Variants in NTNG2 observed in about 807,000 individuals in gnomAD.
NTNG2 encodes the protein netrin G2.
A neutral mutation model predicts 47.6 loss-of-function variants in NTNG2; 15 were observed. The ratio of observed to expected loss-of-function variants is 0.32; its 90% CI spans 0.21 to 0.49. The LOEUF is 0.49. NTNG2 is among the 20% of genes least tolerant of loss of function. The probability of loss-of-function intolerance (pLI) is 0.99; values close to 1 mark genes in which losing one functional copy is unlikely to be tolerated. For synonymous variants in NTNG2, 307 were observed against 324.6 expected, an observed-to-expected ratio of 0.95 and a Z score of 0.58; for missense variants, 578 against 764.6, an observed-to-expected ratio of 0.76 and a Z score of 2.88.
intron 2 of NTNG2, among the ~76,000 whole-genome samples, chr9:132,176,301 C>A (rs550978023): frequency 6.6e-6 from 1 of 152,196 alleles, no homozygotes; most frequent in African/African-American, 2.4e-5. Flanking sequence ...AGTCCCAACA[C>A]GTTTCCATCG....
chr9:132,235,764 G>A (rs1841578546), intron 5 of NTNG2, among the ~76,000 whole-genome samples: 1 of 152,220 alleles, frequency 6.6e-6, no homozygotes, highest in Admixed American at 6.5e-5. Flanking sequence ...CCCCGGGGAA[G>A]CGCCCTCTTA....
intron 2 of NTNG2, among the ~76,000 whole-genome samples, chr9:132,167,741 C>T (rs1333724117): frequency 6.6e-6 from 1 of 152,154 alleles, no homozygotes; most frequent in Non-Finnish European, 1.5e-5. Flanking sequence ...CCTAGGGGCA[C>T]GGAGTACTTC....
At chr9:132,195,307 CGTTTTTGTTTTT>C (rs764331308) in intron 2 of NTNG2, among the ~76,000 whole-genome samples, 1 of 149,090 alleles carries the variant, frequency 6.7e-6, no homozygotes, top group African/African-American at 2.5e-5. Context: ...TTTTTGTTTT[CGTTTTTGTTTTT>C]GTTTTTTGAG....
intron 2 of NTNG2, among the ~76,000 whole-genome samples, chr9:132,169,423 G>C (rs1835732460): frequency 6.6e-6 from 1 of 152,248 alleles, no homozygotes; most frequent in Non-Finnish European, 1.5e-5. Context: ...AGATAGATCT[G>C]GGTTCAAACC....
intron 2 of NTNG2, among the ~76,000 whole-genome samples, chr9:132,191,747 A>G (rs758943421): frequency 4.0e-5 from 6 of 151,732 alleles, no homozygotes; most frequent in Non-Finnish European, 7.4e-5. Context: ...AATTTTTTGT[A>G]TTTTTTAGTA....
At position 132,240,988 on chromosome 9, in the gene NTNG2, C is replaced by G. The variant is rs778588337; in HGVS notation, c.1301C>G (p.Ala434Gly). Residue 434 changes from alanine (A) to glycine (G), a missense_variant, in exon 7 of 8, where the codon GCG (alanine) becomes GGG (glycine). By Grantham distance (60) the Ala-to-Gly change is moderately conservative (BLOSUM62 0). Transcript: ENST00000393229. ...TGFCECREGA[A>G]GPKCDDCLPT... is the part of the protein sequence containing the mutation. ...TTCTGCGAGTGCCGCGAGGGCGCGGCGGGCCCCAAGTGCGACGACTGCCTC... is the reference window on the plus strand; with the variant it reads ...TTCTGCGAGTGCCGCGAGGGCGCGGGGGGCCCCAAGTGCGACGACTGCCTC... 1.2e-5 allele frequency: 20 copies of G among 1,610,640 alleles called. No homozygotes were observed. The Admixed American group carries it at 3.3e-4, about 27-fold the overall frequency.
At chr9:132,205,406 G>A (rs555639665) in intron 3 of NTNG2, among the ~76,000 whole-genome samples, 89 of 152,280 alleles carry the variant, frequency 5.8e-4, no homozygotes, top group Admixed American at 1.8e-3. Context: ...CCCCAGAGTC[G>A]TCAAATTCAT....
At chr9:132,164,796 G>A (rs1333311064) in intron 1 of NTNG2, among the ~76,000 whole-genome samples, 1 of 152,200 alleles carries the variant, frequency 6.6e-6, no homozygotes, top group East Asian at 1.9e-4. Flanking sequence ...CCAGAGAGAG[G>A]GGCAGGGGTC....
chr9:132,226,940 G>T lies in NTNG2; in HGVS notation c.949G>T (p.Gly317Cys). 1.2e-6 allele frequency: 2 copies of T among 1,612,820 alleles called. No homozygotes were observed. The highest frequency in any genetic ancestry group is 1.7e-6 in the Non-Finnish European group (2 of 1,179,814). Residue 317 changes from glycine (G) to cysteine (C), a missense_variant, in exon 4 of 8, where the codon GGC (glycine) becomes TGC (cysteine). Gly to Cys is a radical substitution (Grantham distance 159, BLOSUM62 -3). Transcript: ENST00000393229. The surrounding 1 kb of genome is among the most constrained non-coding windows in gnomAD (Gnocchi z 4.8). ...CEHNTTGPDCGKCKKNFRTRS... is the reference protein window; with the variant it reads ...CEHNTTGPDCCKCKKNFRTRS... ...GCACAACACCACCGGCCCCGACTGC[G>T]GCAAGTGCAAGAAGAATTTCCGCAC...
intron 3 of NTNG2, among the ~76,000 whole-genome samples, chr9:132,211,245 C>T (rs1193573734): frequency 1.3e-5 from 2 of 152,192 alleles, no homozygotes; most frequent in Non-Finnish European, 2.9e-5. Flanking sequence ...TTCTAACCAT[C>T]CCTCCATCCC....
intron 3 of NTNG2, among the ~76,000 whole-genome samples, chr9:132,225,139 A>G (rs1236612295): frequency 6.6e-6 from 1 of 151,708 alleles, no homozygotes; most frequent in Non-Finnish European, 1.5e-5. Context: ...CTGGTCTTGA[A>G]CTCCTGACCT....
At chr9:132,187,934 G>A (rs879314525) in intron 2 of NTNG2, among the ~76,000 whole-genome samples, 7 of 152,206 alleles carry the variant, frequency 4.6e-5, no homozygotes, top group Admixed American at 6.5e-5. Flanking sequence ...TTTTGTGAAC[G>A]GGGAAACCAA....
chr9:132,194,926 G>A (rs1838169558), intron 2 of NTNG2, among the ~76,000 whole-genome samples: 1 of 152,214 alleles, frequency 6.6e-6, no homozygotes, highest in African/African-American at 2.4e-5. Flanking sequence ...AAGGCGGTGG[G>A]CCCCATTTCC....
intron 7 of NTNG2, 51 bp downstream of exon 7, chr9:132,241,095 C>T (rs1841950844): frequency 6.6e-7 from 1 of 1,522,972 alleles, no homozygotes; most frequent in Admixed American, 2.0e-5. Flanking sequence ...GGGGACGGGG[C>T]AGGACCGAGG....
intron 3 of NTNG2, among the ~76,000 whole-genome samples, chr9:132,214,818 A>G (rs1839853430): frequency 6.6e-6 from 1 of 152,120 alleles, no homozygotes; most frequent in Non-Finnish European, 1.5e-5. Context: ...CAAATATTTC[A>G]TGGAATATAC....
chr9:132,167,068 G>A, intron 2 of NTNG2, 24 bp downstream of exon 2: 2 of 1,611,576 alleles, frequency 1.2e-6, no homozygotes, highest in Non-Finnish European at 1.7e-6. Flanking sequence ...CTGCTCTTTT[G>A]TTTGCCCAGG....
intron 3 of NTNG2, among the ~76,000 whole-genome samples, chr9:132,211,940 T>G (rs968207997): frequency 7.2e-5 from 11 of 152,204 alleles, no homozygotes; most frequent in Admixed American, 3.9e-4. Context: ...AGTCAGTCAG[T>G]CATTCATTTA....
Position 132,221,576 on chromosome 9 carries a change from C to T in NTNG2, c.858-5273C>T, listed in dbSNP as rs139802344. ...CCCTGCTAGACAGGGCAATTCTCTCCTTTGGAAGAGGAGGCACTGTGCTTG... is the reference window on the plus strand; with the variant it reads ...CCCTGCTAGACAGGGCAATTCTCTCTTTTGGAAGAGGAGGCACTGTGCTTG... On this transcript the variant is annotated intron_variant, in intron 3 of 7. Transcript: ENST00000393229. This position sits in a 1 kb window ranked among gnomAD's most constrained non-coding sequence, Gnocchi z 4.2. Among the ~76,000 whole-genome samples, 1,218 of 152,318 alleles carry T rather than the reference C, an allele frequency of 8.0e-3. 4 individuals are homozygous for T. Among genetic ancestry groups the T allele is most frequent in the Middle Eastern group, 0.024 (7 of 294 alleles).
At position 132,197,872 on chromosome 9, in the gene NTNG2, T is replaced by C. The variant is rs1838430082; in HGVS notation, c.214-94T>C. On this transcript the variant is annotated intron_variant, in intron 2 of 7. Coordinates refer to ENST00000393229, the MANE Select transcript of NTNG2 (RefSeq NM_032536.4). The surrounding 1 kb of genome is among the most constrained non-coding windows in gnomAD (Gnocchi z 4.3). ...GCCCTGTAGCCACAGAGCAGGTTTC[T>C]CGGTTCGCAGGCAGGGGCTAGGCCG... 8.0e-7 allele frequency: 1 copy of C among 1,249,048 alleles called. No homozygotes were observed. Among genetic ancestry groups the C allele is most frequent in the African/African-American group, 1.5e-5 (1 of 65,776 alleles). The allele number at this position is 1,249,048 out of a possible 1,614,324, so 77.4% of individuals were successfully genotyped here.
Sources: allele counts gnomAD v4.1 joint callset (sites outside exome capture counted in the v4.1 genomes callset), GRCh38; gene constraint gnomAD v4.1.1; non-coding constraint Gnocchi (gnomAD v3.1); transcripts MANE v1.5; gene names NCBI Gene and HGNC (gene_info 2026-07-23, HGNC 2026-07-21).